Variants in PIK3C2G observed in about 807,000 individuals in gnomAD.
The protein encoded by PIK3C2G is phosphatidylinositol-4-phosphate 3-kinase catalytic subunit type 2 gamma.
In PIK3C2G, 168 loss-of-function variants were observed where a neutral mutation model predicts 181.1. The ratio of observed to expected loss-of-function variants is 0.93; its 90% confidence interval spans 0.82 to 1.05. PIK3C2G has a LOEUF of 1.05. Among genes scored for constraint, PIK3C2G ranks in the 50% least tolerant of loss-of-function variants. The pLI, the probability that PIK3C2G is intolerant of heterozygous loss-of-function variation, is 0.00. For missense variants in PIK3C2G, 1,869 were observed against 1,732.8 expected (o/e 1.08, Z -1.40); for synonymous variants, 573 against 592.2 (o/e 0.97, Z 0.47).
At position 18,610,836 on chromosome 12, in the gene PIK3C2G, A is replaced by G. The variant is rs577767397; in HGVS notation, c.4182+1207A>G. ...TTAATCAAGTTAACAGAACTTACAT[A>G]TGTACTTCATATATGAAAATTAGTC... On this transcript the variant is annotated intron_variant, in intron 31 of 32. Coordinates refer to ENST00000538779, the MANE Select transcript of PIK3C2G (RefSeq NM_001288772.2). 1.7e-4 allele frequency among the ~76,000 whole-genome samples: 26 copies of G among 152,226 alleles called. No individual in the cohort carries two copies. The South Asian group carries it at 5.4e-3, about 32-fold the overall frequency.
intron 29 of PIK3C2G, among the ~76,000 whole-genome samples, chr12:18,586,837 C>A (rs935671499): frequency 6.6e-6 from 1 of 151,936 alleles, no homozygotes; most frequent in Non-Finnish European, 1.5e-5. Flanking sequence ...AAATCAGAAG[C>A]ACATAAAAAA....
At chr12:18,274,160 C>T (rs937751546) in intron 1 of PIK3C2G, among the ~76,000 whole-genome samples, 3 of 152,118 alleles carry the variant, frequency 2.0e-5, no homozygotes, top group Non-Finnish European at 1.5e-5. Context: ...ACAACAGGAG[C>T]TGGAGAGGAT....
At chr12:18,439,819 T>C (rs1257209366) in intron 18 of PIK3C2G, among the ~76,000 whole-genome samples, 2 of 152,118 alleles carry the variant, frequency 1.3e-5, no homozygotes, top group Admixed American at 1.3e-4. Flanking sequence ...GCAATGTCTA[T>C]AGCATAAAGA....
chr12:18,624,461 A>G (rs1353937142), intron 31 of PIK3C2G, among the ~76,000 whole-genome samples: 1 of 151,640 alleles, frequency 6.6e-6, no homozygotes, highest in East Asian at 1.9e-4. Context: ...TTTCATGTCT[A>G]TTAATATGTT....
chr12:18,681,556 T>A, the PIK3C2G span, among the ~76,000 whole-genome samples: 1 of 152,040 alleles, frequency 6.6e-6, no homozygotes, highest in African/African-American at 2.4e-5. Flanking sequence ...AAAATTCTAA[T>A]CAAAATTCTA....
chr12:18,640,802 A>G (rs1270232365), intron 32 of PIK3C2G, among the ~76,000 whole-genome samples: 1 of 152,158 alleles, frequency 6.6e-6, no homozygotes, highest in Non-Finnish European at 1.5e-5. Context: ...AGAGCCCAAG[A>G]CTTGTTTTGC....
At chr12:18,474,474 G>A (rs1435816948) in intron 18 of PIK3C2G, among the ~76,000 whole-genome samples, 1 of 151,994 alleles carries the variant, frequency 6.6e-6, no homozygotes, top group Non-Finnish European at 1.5e-5. Flanking sequence ...TACCTTTCCA[G>A]AATTCTTGGG....
chr12:18,422,406 T>TA (rs1478848754), intron 17 of PIK3C2G, among the ~76,000 whole-genome samples: 2 of 152,146 alleles, frequency 1.3e-5, no homozygotes, highest in East Asian at 1.9e-4. Flanking sequence ...TTCCAACACA[T>TA]AAAAAAATCC....
chr12:18,676,457 G>T, the PIK3C2G span, among the ~76,000 whole-genome samples: 1 of 152,054 alleles, frequency 6.6e-6, no homozygotes, highest in Non-Finnish European at 1.5e-5. Flanking sequence ...GAAAATGCCT[G>T]CATTTGCCTT....
chr12:18,575,278 T>C (rs1416298993), intron 29 of PIK3C2G, among the ~76,000 whole-genome samples: 1 of 152,186 alleles, frequency 6.6e-6, no homozygotes, highest in Non-Finnish European at 1.5e-5. Context: ...TATAAGAATG[T>C]TAAATATTGG....
chr12:18,705,434 A>G, the PIK3C2G span: 6 of 1,272,462 alleles, frequency 4.7e-6, no homozygotes, highest in South Asian at 1.3e-5. Flanking sequence ...CCTTTGCAAA[A>G]TAACTATTCT....
intron 26 of PIK3C2G, among the ~76,000 whole-genome samples, chr12:18,560,019 A>AT (rs1335709632): frequency 5.3e-5 from 8 of 150,956 alleles, no homozygotes; most frequent in Non-Finnish European, 8.9e-5. Context: ...AATTTTTTGT[A>AT]TTTTTAGTAG....
At chr12:18,602,957 A>G (rs1947815923) in intron 30 of PIK3C2G, among the ~76,000 whole-genome samples, 1 of 152,172 alleles carries the variant, frequency 6.6e-6, no homozygotes, top group African/African-American at 2.4e-5. Context: ...ATATGAAAAA[A>G]CAAGGCTCAT....
chr12:18,342,512 T>A (rs1183370325), intron 9 of PIK3C2G, among the ~76,000 whole-genome samples: 1 of 151,990 alleles, frequency 6.6e-6, no homozygotes. Flanking sequence ...TTTTACTTTT[T>A]TAAATTTTGA....
chr12:18,530,583 C>A (rs1033919485), intron 24 of PIK3C2G, among the ~76,000 whole-genome samples: 2 of 152,130 alleles, frequency 1.3e-5, no homozygotes, highest in African/African-American at 2.4e-5. Flanking sequence ...ATAAGATCAA[C>A]AATGACCTGA....
chr12:18,268,867 A>G (rs1046423975), intron 1 of PIK3C2G, among the ~76,000 whole-genome samples: 1 of 152,156 alleles, frequency 6.6e-6, no homozygotes, highest in African/African-American at 2.4e-5. Context: ...TATCAAATAT[A>G]TCATTCACCA....
intron 29 of PIK3C2G, among the ~76,000 whole-genome samples, chr12:18,583,889 A>T: frequency 6.6e-6 from 1 of 152,212 alleles, no homozygotes; most frequent in East Asian, 1.9e-4. Context: ...AATGACAGAA[A>T]TAGAATTAAG....
intron 9 of PIK3C2G, among the ~76,000 whole-genome samples, chr12:18,339,058 T>C (rs1938861331): frequency 6.6e-6 from 1 of 152,146 alleles, no homozygotes; most frequent in Non-Finnish European, 1.5e-5. Context: ...GCCTCCATGA[T>C]TTCTGTGTGA....
At chr12:18,639,755 C>T (rs1002243605) in intron 31 of PIK3C2G, among the ~76,000 whole-genome samples, 2 of 152,036 alleles carry the variant, frequency 1.3e-5, no homozygotes, top group African/African-American at 4.8e-5. Context: ...TAAGGAAGAA[C>T]TGGGGAGTGG....
Sources: allele counts gnomAD v4.1 joint callset (sites outside exome capture counted in the v4.1 genomes callset), GRCh38; gene constraint gnomAD v4.1.1; transcripts MANE v1.5; gene names NCBI Gene and HGNC (gene_info 2026-07-23, HGNC 2026-07-21).